The following PSEN1 variants were observed in gnomAD, a reference collection of about 807,000 sequenced individuals.
PSEN1 encodes presenilin 1, also known as presenilin-1.
In PSEN1, 15 loss-of-function variants were observed where a neutral mutation model predicts 53.5. The observed-to-expected ratio is 0.28, with a 90% CI of 0.19 to 0.43. The LOEUF (loss-of-function observed/expected upper bound fraction) is 0.43. Among genes scored for constraint, PSEN1 ranks in the 20% least tolerant of loss-of-function variants. PSEN1 has a pLI of 1.00. For synonymous variants in PSEN1, 208 were observed against 209.8 expected (o/e 0.99, Z 0.08); for missense variants, 387 against 571.2 (o/e 0.68, Z 3.29).
chr14:73,195,048 C>A (rs1010768423), intron 7 of PSEN1, among the ~76,000 whole-genome samples: 2 of 152,176 alleles, frequency 1.3e-5, no homozygotes, highest in Non-Finnish European at 2.9e-5. Flanking sequence ...CTCTGACTTT[C>A]ATAATTACCT....
chr14:73,168,791 T>A (rs2283427), intron 3 of PSEN1: 21,002 of 152,378 alleles, frequency 0.14, 1,741 homozygotes, highest in South Asian at 0.24. Context: ...GGGCAGGGGC[T>A]GCCACCCTGA....
intron 1 of PSEN1, chr14:73,138,062 A>G (rs1389262017): frequency 6.7e-6 from 1 of 149,222 alleles, no homozygotes; most frequent in Non-Finnish European, 1.5e-5. Context: ...AAAGAGTGAG[A>G]CTGTCTCAAA....
chr14:73,157,580 A>G lies in PSEN1; in HGVS notation c.87+9474A>G, dbSNP rs147219036. Among the ~76,000 whole-genome samples the G allele has an allele frequency of 3.2e-3, 480 of 152,232 alleles. 2 individuals carry two copies. Among genetic ancestry groups the G allele is most frequent in the African/African-American group, 8.7e-3 (362 of 41,532 alleles). ...CACAGTTAAAATAATGAAAATGTCC[A>G]TTACCTCCAGAAGTTTCTTCATGTT... On this transcript the variant is annotated intron_variant, in intron 3 of 11. Transcript: ENST00000324501.
rs145060922 is a variant in PSEN1, at chr14:73,205,008, G to A, written c.869-1378G>A. Among the ~76,000 whole-genome samples, 11 of 152,296 alleles carry A rather than the reference G, an allele frequency of 7.2e-5. No homozygotes were observed. In the East Asian group the frequency reaches 2.1e-3, roughly 29 times the overall value. ...TCTGTTAACTTTTGATCATTTGGTTGGGTTATCCTATAATGAAACTTGGTT... is the reference window on the plus strand; with the variant it reads ...TCTGTTAACTTTTGATCATTTGGTTAGGTTATCCTATAATGAAACTTGGTT... On this transcript the variant is annotated intron_variant, in intron 8 of 11. Transcript: ENST00000324501.
chr14:73,189,548 G>A (rs948030484), intron 6 of PSEN1, among the ~76,000 whole-genome samples: 2 of 152,202 alleles, frequency 1.3e-5, no homozygotes, highest in Middle Eastern at 3.4e-3. Flanking sequence ...GGAGATGGAG[G>A]TTGCTGTGAG....
At chr14:73,152,113 G>A (rs764538573) in intron 3 of PSEN1, among the ~76,000 whole-genome samples, 33 of 142,342 alleles carry the variant, frequency 2.3e-4, no homozygotes, top group East Asian at 1.3e-3. Flanking sequence ...GGGTTTCACC[G>A]TGTTAGCCAG....
intron 1 of PSEN1, among the ~76,000 whole-genome samples, chr14:73,145,445 C>T (rs2098401749): frequency 6.6e-6 from 1 of 152,048 alleles, no homozygotes; most frequent in African/African-American, 2.4e-5. Flanking sequence ...AGTGATCCTT[C>T]CACCTCAGCC....
chr14:73,186,068 G>C (rs1441427210), intron 5 of PSEN1, among the ~76,000 whole-genome samples: 1 of 152,062 alleles, frequency 6.6e-6, no homozygotes, highest in Non-Finnish European at 1.5e-5. Context: ...CAACTTTGTT[G>C]TATCTGGATA....
intron 5 of PSEN1, among the ~76,000 whole-genome samples, chr14:73,176,529 CAG>C (rs1482359103): frequency 1.3e-5 from 2 of 152,162 alleles, no homozygotes; most frequent in Non-Finnish European, 2.9e-5. Flanking sequence ...GCTCTGGACT[CAG>C]AGTTCTTTCT....
chr14:73,201,482 G>C (rs1023002308), intron 8 of PSEN1, among the ~76,000 whole-genome samples: 2 of 152,236 alleles, frequency 1.3e-5, no homozygotes, highest in African/African-American at 4.8e-5. Flanking sequence ...ACATTGAAGA[G>C]AGCAGTTTCA....
intron 9 of PSEN1, among the ~76,000 whole-genome samples, chr14:73,211,356 G>A (rs1899670531): frequency 6.6e-6 from 1 of 151,902 alleles, no homozygotes; most frequent in Non-Finnish European, 1.5e-5. Flanking sequence ...GAAGGGGACT[G>A]TTTATTTTTT....
chr14:73,207,824 G>A (rs1035638044), intron 9 of PSEN1, among the ~76,000 whole-genome samples: 1 of 152,228 alleles, frequency 6.6e-6, no homozygotes, highest in Non-Finnish European at 1.5e-5. Context: ...AGGAGTGCAT[G>A]AGCAAGTGAG....
At chr14:73,213,306 T>C (rs1444569537) in intron 10 of PSEN1, among the ~76,000 whole-genome samples, 1 of 152,182 alleles carries the variant, frequency 6.6e-6, no homozygotes, top group East Asian at 1.9e-4. Context: ...TAATAGTTGT[T>C]GACCAGAGCA....
intron 11 of PSEN1, among the ~76,000 whole-genome samples, chr14:73,218,823 C>G (rs1222524996): frequency 6.6e-6 from 1 of 152,262 alleles, no homozygotes; most frequent in East Asian, 1.9e-4. Flanking sequence ...GCCAACACAT[C>G]ATTTAAGATA....
At chr14:73,205,267 G>A (rs1899406023) in intron 8 of PSEN1, among the ~76,000 whole-genome samples, 1 of 151,914 alleles carries the variant, frequency 6.6e-6, no homozygotes, top group African/African-American at 2.4e-5. Flanking sequence ...ACGAGGTCAG[G>A]AGATCGAGAC....
intron 8 of PSEN1, among the ~76,000 whole-genome samples, chr14:73,198,816 C>A (rs939475008): frequency 1.3e-5 from 2 of 152,118 alleles, no homozygotes; most frequent in Non-Finnish European, 2.9e-5. Context: ...CACTCCCATC[C>A]AGGATGGAGT....
At position 73,219,380 on chromosome 14, in the gene PSEN1, A is replaced by G; in HGVS notation, c.*91A>G. ...AGGTGATTTTCCTGTGTCCACATCTAACAAAGTCAAGATTCCCGGCTGGAC... is the reference window on the plus strand; with the variant it reads ...AGGTGATTTTCCTGTGTCCACATCTGACAAAGTCAAGATTCCCGGCTGGAC... On this transcript the variant is annotated 3_prime_UTR_variant, in exon 12 of 12. Coordinates refer to ENST00000324501, the MANE Select transcript of PSEN1 (RefSeq NM_000021.4). The G allele has an allele frequency of 7.3e-7, 1 of 1,368,422 alleles. No homozygotes were observed. The highest frequency in any genetic ancestry group is 1.0e-6 in the Non-Finnish European group (1 of 965,644). 84.8% of individuals were successfully genotyped at this position (1,368,422 alleles called of 1,614,324 possible).
chr14:73,160,616 A>G (rs1359088623), intron 3 of PSEN1, among the ~76,000 whole-genome samples: 4 of 150,714 alleles, frequency 2.7e-5, no homozygotes, highest in Non-Finnish European at 5.9e-5. Context: ...TTTTTTTTGC[A>G]TTTTTCTAAT....
chr14:73,162,424 TTCTC>T (rs1220653583), intron 3 of PSEN1, among the ~76,000 whole-genome samples: 26 of 149,232 alleles, frequency 1.7e-4, no homozygotes, highest in Admixed American at 4.7e-4. Flanking sequence ...CATGCTCTCG[TTCTC>T]TCTCTCGCTC....
Sources: allele counts gnomAD v4.1 joint callset (sites outside exome capture counted in the v4.1 genomes callset), GRCh38; gene constraint gnomAD v4.1.1; transcripts MANE v1.5; gene names NCBI Gene and HGNC (gene_info 2026-07-23, HGNC 2026-07-21).